Variants in KDM5B observed in about 807,000 individuals in gnomAD.
KDM5B encodes lysine demethylase 5B, also known as lysine-specific demethylase 5B.
In KDM5B, 144 loss-of-function variants were observed where a neutral mutation model predicts 193.4. That is an observed-to-expected ratio of 0.74 (90% CI 0.65 to 0.86). The LOEUF (loss-of-function observed/expected upper bound fraction) is 0.86, where lower values mean the gene tolerates loss of function less well. Ranked by LOEUF, KDM5B falls within the 40% of genes least tolerant of loss-of-function variation. The pLI is 0.00. For synonymous variants in KDM5B, 668 were observed against 682.6 expected (o/e 0.98, Z 0.33); for missense variants, 1,833 against 1,886.9 (o/e 0.97, Z 0.53).
chr1:202,735,393 A>C, intron 22 of KDM5B, 36 bp downstream of exon 22: 1 of 1,583,196 alleles, frequency 6.3e-7, no homozygotes. Context: ...ATTCTTCCCA[A>C]TAACATAGAA....
In KDM5B at chr1:202,796,376, G is replaced by A. The variant is rs375158253; in HGVS notation, c.204+11726C>T. On this transcript the variant is annotated intron_variant, in intron 1 of 26. Transcript: ENST00000367265. ...AAGATTCTGAGGCACAAGGGCACCA[G>A]GACCCTGTGGAGTGGCCTCCCAGCC... The A allele has an allele frequency of 8.6e-5, 24 of 277,466 alleles. 1 individual carries two copies. The highest frequency in any genetic ancestry group is 5.2e-4 in the Admixed American group (11 of 21,046). The allele number at this position is 277,466 out of a possible 1,614,324, so 17.2% of individuals were successfully genotyped here. A position where few individuals can be genotyped will look rare whatever the true frequency, so the allele number is the denominator to read the frequency against.
intron 2 of KDM5B, among the ~76,000 whole-genome samples, chr1:202,776,703 A>C (rs1259162310): frequency 6.6e-6 from 1 of 152,068 alleles, no homozygotes; most frequent in African/African-American, 2.4e-5. Flanking sequence ...CTGGAACTAC[A>C]GGCACACACC....
chr1:202,803,765 GCAACA>G (rs1658175090), intron 1 of KDM5B, among the ~76,000 whole-genome samples: 1 of 151,568 alleles, frequency 6.6e-6, no homozygotes, highest in Non-Finnish European at 1.5e-5. Context: ...GTTGCAGTGA[GCAACA>G]TGACGTTGCG....
intron 20 of KDM5B, among the ~76,000 whole-genome samples, chr1:202,740,343 C>G (rs1418419139): frequency 2.2e-5 from 3 of 134,242 alleles, no homozygotes. Flanking sequence ...GACGGGGTGG[C>G]CGGCCGGGCG....
intron 1 of KDM5B, among the ~76,000 whole-genome samples, chr1:202,778,822 A>G (rs954975946): frequency 3.3e-5 from 5 of 152,054 alleles, no homozygotes; most frequent in African/African-American, 4.8e-5. Flanking sequence ...GGGTTTCACC[A>G]TATTGGTCAG....
chr1:202,778,046 G>A (rs1039068079), intron 1 of KDM5B, among the ~76,000 whole-genome samples: 1 of 152,014 alleles, frequency 6.6e-6, no homozygotes, highest in Middle Eastern at 3.4e-3. Flanking sequence ...GGGGTGGCAG[G>A]CGCCTGTAGT....
At chr1:202,732,700 G>C (rs1167794414) in intron 23 of KDM5B, among the ~76,000 whole-genome samples, 1 of 151,844 alleles carries the variant, frequency 6.6e-6, no homozygotes, top group Admixed American at 6.6e-5. Context: ...TGGCACAAGA[G>C]AGTTGTGGTA....
At chr1:202,734,767 T>C (rs1051607641) in intron 22 of KDM5B, among the ~76,000 whole-genome samples, 14 of 152,238 alleles carry the variant, frequency 9.2e-5, no homozygotes, top group African/African-American at 3.1e-4. Context: ...AACCCATGTC[T>C]ATCACAAGAG....
In KDM5B at chr1:202,734,352, T is replaced by TA. The variant is rs33951184; in HGVS notation, c.3424-467dup. On this transcript the variant is annotated intron_variant, in intron 22 of 26. Coordinates refer to ENST00000367265, the MANE Select transcript of KDM5B (RefSeq NM_006618.5). ...ATCAGGTAAAGACCTTTGGGTATAT[T>TA]AAAAAAAAAAAAAAATCCACTTCTT... Among the ~76,000 whole-genome samples the TA allele has an allele frequency of 2.4e-3, 320 of 135,358 alleles. 1 individual carries two copies. The highest frequency in any genetic ancestry group is 7.3e-3 in the African/African-American group (267 of 36,554). The allele number at this position is 135,358 out of a possible 152,430, so 88.8% of individuals were successfully genotyped here.
In KDM5B at chr1:202,740,756, G is replaced by C. The variant is rs773290281; in HGVS notation, c.3002C>G (p.Pro1001Arg). ...ATAVKEIEEI[P>R]AYLPNGAALK... Reference sequence around the variant, plus strand: ...AGCCGCACCATTGGGCAGATATGCAGGGATCTCTTCGATTTCCTTTACTGC... The same window carrying C: ...AGCCGCACCATTGGGCAGATATGCACGGATCTCTTCGATTTCCTTTACTGC... The change falls in exon 20 of 27, where the codon CCT becomes CGT. Residue 1001 changes from proline to arginine, a missense_variant. Coordinates refer to ENST00000367265, the MANE Select transcript of KDM5B (RefSeq NM_006618.5). 1.9e-6 allele frequency: 3 copies of C among 1,613,058 alleles called. No homozygotes were observed. Among genetic ancestry groups the C allele is most frequent in the Non-Finnish European group, 2.5e-6 (3 of 1,179,968 alleles).
chr1:202,792,095 G>C (rs1012629116), intron 1 of KDM5B, among the ~76,000 whole-genome samples: 1 of 152,148 alleles, frequency 6.6e-6, no homozygotes, highest in African/African-American at 2.4e-5. Flanking sequence ...TCATTCAACA[G>C]AGCTGATAAA....
chr1:202,785,932 G>A (rs989553677), intron 1 of KDM5B, among the ~76,000 whole-genome samples: 9 of 150,966 alleles, frequency 6.0e-5, no homozygotes, highest in Non-Finnish European at 1.0e-4. Context: ...AAAAAGTGCC[G>A]GTTTTTCTCA....
Position 202,728,920 on chromosome 1 carries a change from G to C in KDM5B, c.*116C>G. Reference sequence around the variant, plus strand: ...AATGATCCCATAAGGAATAGAAATAGCACCGTTTACAGGCTGGCTTGAGTA... The same window carrying C: ...AATGATCCCATAAGGAATAGAAATACCACCGTTTACAGGCTGGCTTGAGTA... On this transcript the variant is annotated 3_prime_UTR_variant, in exon 27 of 27. Transcript: ENST00000367265. 1 of 1,186,086 alleles carries C rather than the reference G, an allele frequency of 8.4e-7. No individual in the cohort carries two copies. Among genetic ancestry groups the C allele is most frequent in the Non-Finnish European group, 1.2e-6 (1 of 819,572 alleles). The allele number at this position is 1,186,086 out of a possible 1,614,324, so 73.5% of individuals were successfully genotyped here. A position where few individuals can be genotyped will look rare whatever the true frequency, so the allele number is the denominator to read the frequency against.
At chr1:202,792,767 G>A (rs1011311085) in intron 1 of KDM5B, among the ~76,000 whole-genome samples, 9 of 152,098 alleles carry the variant, frequency 5.9e-5, no homozygotes, top group African/African-American at 2.2e-4. Flanking sequence ...AGGCTGAGGT[G>A]GGTGGATCAC....
rs575015025 is a variant in KDM5B, at chr1:202,740,735, G to C, written c.3023C>G (p.Ala1008Gly). 1.9e-6 allele frequency: 3 copies of C among 1,612,648 alleles called. No homozygotes were observed. The highest frequency in any genetic ancestry group is 2.7e-5 in the African/African-American group (2 of 74,896). ...EEIPAYLPNG[A>G]ALKDSVQRAR... Reference sequence around the variant, plus strand: ...TCTCTGCACTGAGTCTTTCAGAGCCGCACCATTGGGCAGATATGCAGGGAT... The same window carrying C: ...TCTCTGCACTGAGTCTTTCAGAGCCCCACCATTGGGCAGATATGCAGGGAT... The change falls in exon 20 of 27, where the codon GCG (alanine) becomes GGG (glycine). Residue 1008 changes from alanine to glycine, a missense_variant. Coordinates refer to ENST00000367265, the MANE Select transcript of KDM5B (RefSeq NM_006618.5).
At chr1:202,787,892 CAA>C (rs35173977) in intron 1 of KDM5B, among the ~76,000 whole-genome samples, 29 of 130,540 alleles carry the variant, frequency 2.2e-4, no homozygotes, top group East Asian at 4.4e-4. Flanking sequence ...GACTCTGTCT[CAA>C]AAAAAAAAAA....
intron 16 of KDM5B, among the ~76,000 whole-genome samples, chr1:202,744,557 C>CAAAACA (rs897953192): frequency 3.3e-5 from 5 of 151,834 alleles, no homozygotes; most frequent in Admixed American, 6.6e-5. Flanking sequence ...GACTCCGTCT[C>CAAAACA]AAAACAAAAA....
At chr1:202,729,581 G>A (rs918660261) in intron 26 of KDM5B, 126 bp downstream of exon 26, 3 of 775,024 alleles carry the variant, frequency 3.9e-6, no homozygotes, top group East Asian at 2.7e-5. Flanking sequence ...GGGAAGGGCT[G>A]AGCAATCCAT....
intron 2 of KDM5B, among the ~76,000 whole-genome samples, chr1:202,775,879 A>AATAT (rs1277889468): frequency 3.4e-4 from 32 of 93,200 alleles, no homozygotes; most frequent in African/African-American, 5.0e-4. Flanking sequence ...AAAAAAAAAA[A>AATAT]ATATATATAT....
Sources: gnomAD v4.1 joint callset for allele counts (sites outside exome capture counted in the v4.1 genomes callset) on GRCh38, gnomAD v4.1.1 for gene constraint, MANE v1.5 for transcripts, NCBI Gene and HGNC (gene_info 2026-07-23, HGNC 2026-07-21) for gene names.